The following SARAF variants were observed in gnomAD, a reference collection of about 807,000 sequenced individuals.
SARAF encodes store-operated calcium entry-associated regulatory factor.
Under a neutral mutation model 39.7 loss-of-function variants are expected in SARAF, and 23 were observed. The ratio of observed to expected loss-of-function variants is 0.58; its 90% CI spans 0.42 to 0.82. The LOEUF is 0.82. Among genes scored for constraint, SARAF ranks in the 40% least tolerant of loss-of-function variants. The pLI is 0.00. For synonymous variants in SARAF, 175 were observed against 168.5 expected (o/e 1.04, Z -0.30); for missense variants, 384 against 418.5 (o/e 0.92, Z 0.72).
At chr8:30,082,720 T>G in intron 1 of SARAF, 127 bp downstream of exon 1, 4 of 667,588 alleles carry the variant, frequency 6.0e-6, no homozygotes, top group Non-Finnish European at 7.3e-6. Flanking sequence ...AGCAAAGAGG[T>G]CAGACATGGG....
chr8:30,070,073 TAG>T lies in SARAF; in HGVS notation c.283-16_283-15del, dbSNP rs781388933. 2 of 1,514,870 alleles carry T rather than the reference TAG, an allele frequency of 1.3e-6. No individual in the cohort carries two copies. The highest frequency in any genetic ancestry group is 1.8e-6 in the Non-Finnish European group (2 of 1,119,862). The allele number at this position is 1,514,870 out of a possible 1,614,324, so 93.8% of individuals were successfully genotyped here. ...CTTACATTCCCACTGTGAAGAAAAA[TAG>T]AAACAGACTATTAGAAACAAACATT... is the stretch of plus-strand genomic sequence containing the variant. On this transcript the variant is annotated splice_polypyrimidine_tract_variant and intron_variant, in intron 2 of 5. Coordinates refer to ENST00000256255, the MANE Select transcript of SARAF (RefSeq NM_016127.6).
chr8:30,077,077 G>T (rs144907630), intron 1 of SARAF, among the ~76,000 whole-genome samples: 97 of 152,264 alleles, frequency 6.4e-4, no homozygotes, highest in African/African-American at 2.3e-3. Context: ...AAAAGACTGC[G>T]TTAATAAAAC....
intron 1 of SARAF, among the ~76,000 whole-genome samples, chr8:30,080,258 ATATAT>A (rs1259431140): frequency 9.2e-5 from 14 of 152,162 alleles, no homozygotes; most frequent in African/African-American, 3.1e-4. Flanking sequence ...AGATAGCAAT[ATATAT>A]TAATTCACTG....
intron 1 of SARAF, among the ~76,000 whole-genome samples, chr8:30,075,773 C>G (rs1273412868): frequency 6.6e-6 from 1 of 151,860 alleles, no homozygotes; most frequent in Non-Finnish European, 1.5e-5. Flanking sequence ...TTGCAGCCTC[C>G]CAAAATTCTA....
Position 30,064,547 on chromosome 8 carries a change from A to ATTTTTTTTTTTTTTTT in SARAF, c.995-635_995-634insAAAAAAAAAAAAAAAA, listed in dbSNP as rs1319036441. Among the ~76,000 whole-genome samples, 2 of 37,012 alleles carry ATTTTTTTTTTTTTTTT rather than the reference A, an allele frequency of 5.4e-5. 1 individual carries two copies. The highest frequency in any genetic ancestry group is 9.9e-5 in the Non-Finnish European group (2 of 20,278). 24.3% of individuals were successfully genotyped at this position (37,012 alleles called of 152,430 possible). A position where few individuals can be genotyped will look rare whatever the true frequency, so the allele number is the denominator to read the frequency against. The stretch of plus-strand genomic sequence containing the variant: ...GTCTTACCTAGCCATATATATATAT[A>ATTTTTTTTTTTTTTTT]TATATATATATATATTTTTTTTTTT... On this transcript the variant is annotated intron_variant, in intron 5 of 5. Transcript: ENST00000256255.
intron 1 of SARAF, chr8:30,082,307 C>A (rs1356859777): frequency 6.7e-6 from 1 of 149,232 alleles, no homozygotes; most frequent in Admixed American, 6.8e-5. Context: ...CATTGCAGTG[C>A]GGCCGGGGCG....
intron 5 of SARAF, among the ~76,000 whole-genome samples, chr8:30,064,534 C>CATATAT (rs71204255): frequency 2.4e-4 from 19 of 78,220 alleles, no homozygotes; most frequent in East Asian, 9.1e-4. Flanking sequence ...CTTACCTAGC[C>CATATAT]ATATATATAT....
intron 5 of SARAF, among the ~76,000 whole-genome samples, chr8:30,064,561 A>ATATATATATATATTT (rs1423689069): frequency 2.2e-5 from 1 of 46,228 alleles, no homozygotes; most frequent in African/African-American, 1.1e-4. Context: ...ATATATATAT[A>ATATATATATATATTT]TTTTTTTTTT....
In SARAF at chr8:30,071,765, C is replaced by T. The variant is rs368483529; in HGVS notation, c.283-1706G>A. Among the ~76,000 whole-genome samples the T allele has an allele frequency of 2.0e-5, 3 of 152,274 alleles. No individual in the cohort carries two copies. The East Asian group carries it at 5.8e-4, about 29-fold the overall frequency. On this transcript the variant is annotated intron_variant, in intron 2 of 5. Transcript: ENST00000256255. ...TAGCATAACATTTTCAAGATTCATC[C>T]ACGTTGTAGCATGTATTACTATTTC...
intron 1 of SARAF, among the ~76,000 whole-genome samples, chr8:30,077,234 T>A (rs984285): frequency 0.73 from 111,078 of 151,812 alleles, 41,655 homozygotes; most frequent in Non-Finnish European, 0.82. Flanking sequence ...GGCAAGCAGA[T>A]CACTTGAGCC....
chr8:30,081,903 C>A (rs1331095363), intron 1 of SARAF, among the ~76,000 whole-genome samples: 1 of 151,976 alleles, frequency 6.6e-6, no homozygotes, highest in Non-Finnish European at 1.5e-5. Context: ...CATAAAAGAA[C>A]CTCTTTCCTA....
Position 30,069,897 on chromosome 8 carries a change from A to G in SARAF, c.445T>C (p.Ser149Pro), listed in dbSNP as rs1178810687. ...TELGLQKLKE[S>P]GKQHGFASFS... ...GAGGCAAAGCCGTGCTGCTTTCCAGACTCCTTCAGTTTCTGCAGGCCAAGT... is the reference window on the plus strand; with the variant it reads ...GAGGCAAAGCCGTGCTGCTTTCCAGGCTCCTTCAGTTTCTGCAGGCCAAGT... Residue 149 changes from serine (S) to proline (P), a missense_variant, in exon 3 of 6, where the codon TCT (serine) becomes CCT (proline). Coordinates refer to ENST00000256255, the MANE Select transcript of SARAF (RefSeq NM_016127.6). 4.3e-6 allele frequency: 7 copies of G among 1,613,818 alleles called. No homozygotes were observed. The highest frequency in any genetic ancestry group is 5.1e-6 in the Non-Finnish European group (6 of 1,179,992).
chr8:30,066,188 T>G, intron 4 of SARAF, 49 bp from the exon 5 acceptor site: 1 of 1,551,658 alleles, frequency 6.4e-7, no homozygotes, highest in Non-Finnish European at 8.8e-7. Flanking sequence ...GTGGCTATAA[T>G]TTTTAAATAC....
At chr8:30,070,124 T>C in intron 2 of SARAF, 65 bp from the exon 3 acceptor site, 1 of 1,427,358 alleles carries the variant, frequency 7.0e-7, no homozygotes, top group Admixed American at 2.1e-5. Flanking sequence ...ATATGTTACT[T>C]GGGGGCCGGG....
intron 1 of SARAF, among the ~76,000 whole-genome samples, chr8:30,079,158 C>CAAAA (rs60893961): frequency 3.7e-5 from 2 of 54,660 alleles, no homozygotes; most frequent in African/African-American, 5.9e-5. Context: ...AACTCCATCT[C>CAAAA]AAAAAAAAAA....
chr8:30,075,790 C>T (rs933477874), intron 1 of SARAF, among the ~76,000 whole-genome samples: 2 of 151,880 alleles, frequency 1.3e-5, no homozygotes, highest in Non-Finnish European at 2.9e-5. Flanking sequence ...TCTACTAAAA[C>T]TATAATAAAT....
chr8:30,071,706 A>G (rs1344389629), intron 2 of SARAF, among the ~76,000 whole-genome samples: 2 of 152,204 alleles, frequency 1.3e-5, no homozygotes, highest in African/African-American at 4.8e-5. Flanking sequence ...GTAATAATAC[A>G]ATATGTGGTC....
chr8:30,074,789 A>G (rs1406867791), intron 1 of SARAF, among the ~76,000 whole-genome samples: 2 of 152,208 alleles, frequency 1.3e-5, no homozygotes, highest in African/African-American at 2.4e-5. Flanking sequence ...ATTTGTAGCA[A>G]ATATGGCAAA....
Position 30,063,875 on chromosome 8 carries a change from C to G in SARAF, c.*13G>C, listed in dbSNP as rs746421983. On this transcript the variant is annotated 3_prime_UTR_variant, in exon 6 of 6. Coordinates refer to ENST00000256255, the MANE Select transcript of SARAF (RefSeq NM_016127.6). ...AAATTTCTGCATCCAGTGTTTGACT[C>G]CAACTTTCTACTTTATCGTCTCCTG... 6.2e-7 allele frequency: 1 copy of G among 1,612,890 alleles called. No individual in the cohort carries two copies.
Sources: allele counts gnomAD v4.1 joint callset (sites outside exome capture counted in the v4.1 genomes callset), GRCh38; gene constraint gnomAD v4.1.1; transcripts MANE v1.5; gene names NCBI Gene and HGNC (gene_info 2026-07-23, HGNC 2026-07-21).